DYSF: variants seen among roughly 807,000 people sequenced by gnomAD.
DYSF encodes the protein dysferlin.
Under a neutral mutation model 274.9 loss-of-function variants are expected in DYSF, and 212 were observed. The observed-to-expected ratio is 0.77, with a 90% CI of 0.69 to 0.86. DYSF has a LOEUF of 0.86. DYSF is among the 40% of genes least tolerant of loss of function. The pLI is 0.00. For synonymous variants in DYSF, 1,091 were observed against 1,078.7 expected, an observed-to-expected ratio of 1.01 and a Z score of -0.22; for missense variants, 2,666 against 2,783.2, an observed-to-expected ratio of 0.96 and a Z score of 0.95.
chr2:71,679,268 C>A, intron 53 of DYSF, 33 bp downstream of exon 53: 1 of 1,598,248 alleles, frequency 6.3e-7, no homozygotes, highest in Admixed American at 1.7e-5. Context: ...CAGTGGAGGG[C>A]ATGGGGGAAG....
rs202013788 is a variant in DYSF, at chr2:71,600,781, C to A, written c.3836C>A (p.Thr1279Lys). ...RMPRLAWFPL[T>K]RGSQPSGELL... ...CCACGGCTGGCCTGGTTCCCACTGA[C>A]GAGGGGCAGCCAGCCGTCGGGGGAG... The change falls in exon 34 of 56, where the codon ACG (threonine) becomes AAG (lysine). Residue 1279 changes from threonine (T) to lysine (K), a missense_variant. Thr to Lys is a moderately conservative substitution (Grantham distance 78). This residue lies in a region of DYSF where 1,460 missense variants were observed against 1,502.1 expected (regional missense o/e 0.97). Coordinates refer to ENST00000410020, the MANE Select transcript of DYSF (RefSeq NM_001130987.2). 6.2e-7 allele frequency: 1 copy of A among 1,613,160 alleles called. No individual in the cohort carries two copies. The highest frequency in any genetic ancestry group is 1.3e-5 in the African/African-American group (1 of 74,926).
intron 36 of DYSF, among the ~76,000 whole-genome samples, chr2:71,607,528 C>T (rs1242410117): frequency 2.6e-5 from 4 of 152,174 alleles, no homozygotes; most frequent in East Asian, 1.9e-4. Flanking sequence ...GAAAGCCTGC[C>T]TTGGCTGCAG....
rs148330697 is a variant in DYSF at position 71,615,743 on chromosome 2, T to A, written c.4464+2333T>A. Among the ~76,000 whole-genome samples the A allele has an allele frequency of 2.3e-3, 346 of 152,240 alleles. No homozygotes were observed. The highest frequency in any genetic ancestry group is 8.1e-3 in the African/African-American group (338 of 41,558). On this transcript the variant is annotated intron_variant, in intron 40 of 55. Coordinates refer to ENST00000410020, the MANE Select transcript of DYSF (RefSeq NM_001130987.2). The surrounding 1 kb of genome is among the most constrained non-coding windows in gnomAD (Gnocchi z 4.9). ...CTAGATAACTATGGCTGGGCTTTCT[T>A]CCTCTCCCTCCTTCCCCAGTGCAGA...
At chr2:71,617,686 TGGGGTGTGTGCGTGTGTGGTAGAGGTGG>T (rs2093921308) in intron 40 of DYSF, among the ~76,000 whole-genome samples, 1 of 104,718 alleles carries the variant, frequency 9.5e-6, no homozygotes, top group Non-Finnish European at 1.9e-5. Flanking sequence ...GTGGTAGAGG[TGGGGTGTGTGCGTGTGTGGTAGAGGTGG>T]GGTGTGTGTG....
At chr2:71,679,261 T>G (rs199589772) in intron 53 of DYSF, 26 bp downstream of exon 53, 265 of 1,609,734 alleles carry the variant, frequency 1.6e-4, no homozygotes, top group Non-Finnish European at 2.1e-4. Flanking sequence ...CCAGCCCCAG[T>G]GGAGGGCATG....
chr2:71,659,746 A>G (rs1324720232), intron 44 of DYSF, among the ~76,000 whole-genome samples: 1 of 152,188 alleles, frequency 6.6e-6, no homozygotes, highest in East Asian at 1.9e-4. Context: ...TTGAAGGAGG[A>G]AAGGAGTCTG....
In DYSF at chr2:71,481,970, G is replaced by T. The variant is rs1316586853; in HGVS notation, c.239G>T (p.Arg80Met). ...VKDHETMGRN[R>M]FLGEAKVPLR... ...GACCATGAGACGATGGGGAGGAACA[G>T]GTAAGGTGGCCAGAGGGGGGTGCTC... The change falls in exon 3 of 56, where the codon AGG (arginine) becomes ATG (methionine). Residue 80 changes from arginine (R) to methionine (M), a missense_variant and splice_region_variant. Physicochemically the swap from Arg to Met is moderately conservative, Grantham distance 91. Coordinates refer to ENST00000410020, the MANE Select transcript of DYSF (RefSeq NM_001130987.2). 6.2e-7 allele frequency: 1 copy of T among 1,613,722 alleles called. No individual in the cohort carries two copies. The highest frequency in any genetic ancestry group is 1.3e-5 in the African/African-American group (1 of 74,930).
At chr2:71,583,701 G>A (rs1250755540) in intron 30 of DYSF, among the ~76,000 whole-genome samples, 2 of 152,202 alleles carry the variant, frequency 1.3e-5, no homozygotes, top group Non-Finnish European at 2.9e-5. Context: ...ACCCCGTGGT[G>A]CAGAAGGAAT....
chr2:71,509,377 G>T (rs1012829648), intron 4 of DYSF, among the ~76,000 whole-genome samples: 2 of 151,972 alleles, frequency 1.3e-5, no homozygotes, highest in Non-Finnish European at 2.9e-5. Context: ...TGTCCAGGCT[G>T]GTTTTGAACT....
chr2:71,514,098 A>C (rs1341562894), intron 7 of DYSF, among the ~76,000 whole-genome samples, 177 bp downstream of exon 7: 1 of 148,986 alleles, frequency 6.7e-6, no homozygotes, highest in Non-Finnish European at 1.5e-5. Context: ...GGGAGTTCAC[A>C]TCTTACATCC....
chr2:71,605,426 G>C (rs1475979422), intron 36 of DYSF, among the ~76,000 whole-genome samples: 2 of 152,218 alleles, frequency 1.3e-5, no homozygotes, highest in African/African-American at 4.8e-5. Context: ...ACACACAGCA[G>C]CTGAGGTGAT....
chr2:71,654,360 A>C (rs1397699909), intron 42 of DYSF, among the ~76,000 whole-genome samples: 3 of 152,208 alleles, frequency 2.0e-5, no homozygotes, highest in African/African-American at 7.2e-5. Flanking sequence ...CAGAGGTCTT[A>C]AAATGTGCAT....
intron 41 of DYSF, among the ~76,000 whole-genome samples, chr2:71,625,483 A>G (rs995959555): frequency 1.3e-5 from 2 of 152,044 alleles, no homozygotes; most frequent in Non-Finnish European, 2.9e-5. Flanking sequence ...GTTTCCATAT[A>G]AGTGTGGGCT....
At chr2:71,466,545 C>A, upstream of DYSF, 1 of 703,850 alleles carries the variant, frequency 1.4e-6, no homozygotes, top group East Asian at 1.4e-4. Flanking sequence ...CTGGGACCCG[C>A]GGAGCTAGGG....
chr2:71,584,952 G>C (rs973958026), intron 30 of DYSF, among the ~76,000 whole-genome samples: 3 of 152,216 alleles, frequency 2.0e-5, no homozygotes, highest in Non-Finnish European at 2.9e-5. Flanking sequence ...CCAGAGGAGA[G>C]GAGTGTTATT....
At chr2:71,590,771 A>C (rs2093240388) in intron 32 of DYSF, among the ~76,000 whole-genome samples, 1 of 152,090 alleles carries the variant, frequency 6.6e-6, no homozygotes, top group African/African-American at 2.4e-5. Flanking sequence ...ATTTCCTGCC[A>C]TGGCCCTGGG....
At chr2:71,539,432 G>T (rs780298795) in intron 17 of DYSF, among the ~76,000 whole-genome samples, 193 bp downstream of exon 17, 6 of 152,168 alleles carry the variant, frequency 3.9e-5, no homozygotes, top group Non-Finnish European at 8.8e-5. Flanking sequence ...CTCCACACTT[G>T]GATTGTGGGA....
At position 71,568,113 on chromosome 2, in the gene DYSF, C is replaced by T. The variant is rs779143544; in HGVS notation, c.2697+31C>T. The T allele has an allele frequency of 6.8e-6, 11 of 1,614,218 alleles. No homozygotes were observed. In the Admixed American group the frequency reaches 1.5e-4, roughly 22 times the overall value. ...TACCTGCCAGCCCCCACCTCTGCCTCCCACTACCTGGAGCTGCCTTGGCCC... is the reference window on the plus strand; with the variant it reads ...TACCTGCCAGCCCCCACCTCTGCCTTCCACTACCTGGAGCTGCCTTGGCCC... On this transcript the variant is annotated intron_variant, in intron 25 of 55. Transcript: ENST00000410020.
chr2:71,527,590 T>G (rs137983004), intron 13 of DYSF, among the ~76,000 whole-genome samples: 1 of 50,588 alleles, frequency 2.0e-5, no homozygotes, highest in East Asian at 2.0e-4. Context: ...CAACGTTGTT[T>G]GAAAAAAACA....
Sources: allele counts gnomAD v4.1 joint callset (sites outside exome capture counted in the v4.1 genomes callset), GRCh38; gene constraint gnomAD v4.1.1; regional missense constraint gnomAD v4.1.1; non-coding constraint Gnocchi (gnomAD v3.1); transcripts MANE v1.5; gene names NCBI Gene and HGNC (gene_info 2026-07-23, HGNC 2026-07-21).